AKT3: variants seen among roughly 807,000 people sequenced by gnomAD.
AKT3 encodes AKT serine/threonine kinase 3, also known as RAC-gamma serine/threonine-protein kinase.
In AKT3, 15 loss-of-function variants were observed where a neutral mutation model predicts 65.3. The observed-to-expected ratio is 0.23, with a 90% CI of 0.15 to 0.35. The LOEUF is 0.35. AKT3 is among the 10% of genes least tolerant of loss of function. The pLI is 1.00. For missense variants in AKT3, 243 were observed against 576.5 expected, an observed-to-expected ratio of 0.42 and a Z score of 5.92; for synonymous variants, 206 against 183.8, an observed-to-expected ratio of 1.12 and a Z score of -0.98.
At chr1:243,686,960 C>G (rs866987246) in intron 3 of AKT3, among the ~76,000 whole-genome samples, 1 of 151,740 alleles carries the variant, frequency 6.6e-6, no homozygotes, top group South Asian at 2.1e-4. Flanking sequence ...CCACACCACT[C>G]GGCTATATGA....
At chr1:243,488,274 T>G (rs2148262087) in exon 14 of AKT3, 1 of 152,654 alleles carries the variant, frequency 6.6e-6, no homozygotes, top group Middle Eastern at 3.4e-3. Flanking sequence ...TTAATGGCCT[T>G]TTCCTTGTGA....
At chr1:243,839,555 G>A (rs929246782) in intron 2 of AKT3, among the ~76,000 whole-genome samples, 1 of 152,102 alleles carries the variant, frequency 6.6e-6, no homozygotes, top group African/African-American at 2.4e-5. Context: ...ATTTTCAACT[G>A]TCCAGAAAAG....
At chr1:243,748,594 T>G (rs1688618166) in intron 2 of AKT3, among the ~76,000 whole-genome samples, 1 of 152,140 alleles carries the variant, frequency 6.6e-6, no homozygotes, top group South Asian at 2.1e-4. Flanking sequence ...AATGTAGAAT[T>G]TCAGAAAATG....
chr1:243,706,555 T>C (rs922587290), intron 2 of AKT3, among the ~76,000 whole-genome samples: 2 of 152,168 alleles, frequency 1.3e-5, no homozygotes, highest in African/African-American at 4.8e-5. Context: ...AGTCTAGTAG[T>C]ATGGACCCTA....
In AKT3 at chr1:243,652,650, A is replaced by G. The variant is rs371010671; in HGVS notation, c.285-6613T>C. 9.2e-5 allele frequency among the ~76,000 whole-genome samples: 14 copies of G among 152,072 alleles called. No individual in the cohort carries two copies. In the East Asian group the frequency reaches 2.7e-3, roughly 29 times the overall value. On this transcript the variant is annotated intron_variant, in intron 4 of 13. Coordinates refer to ENST00000673466, the MANE Select transcript of AKT3 (RefSeq NM_005465.7). ...CCCCAATGACAAGACACAGACTGGCAAATTGGATAAAGAGTCAAGATCCAT... is the reference window on the plus strand; with the variant it reads ...CCCCAATGACAAGACACAGACTGGCGAATTGGATAAAGAGTCAAGATCCAT...
chr1:243,738,016 A>G (rs1053317827), intron 2 of AKT3, among the ~76,000 whole-genome samples: 3 of 152,206 alleles, frequency 2.0e-5, no homozygotes, highest in Admixed American at 6.5e-5. Flanking sequence ...TCCCTGGCCC[A>G]GAGAAGTTAA....
intron 4 of AKT3, among the ~76,000 whole-genome samples, chr1:243,661,826 C>A (rs1245118503): frequency 6.7e-6 from 1 of 149,496 alleles, no homozygotes; most frequent in Non-Finnish European, 1.5e-5. Flanking sequence ...AGCTAATATC[C>A]AGAATCTACA....
intron 2 of AKT3, among the ~76,000 whole-genome samples, chr1:243,784,695 T>A (rs1219626862): frequency 7.2e-5 from 11 of 152,186 alleles, no homozygotes. Context: ...GACACTGCTC[T>A]CTGGGCACCA....
chr1:243,749,003 G>A (rs1688642753), intron 2 of AKT3, among the ~76,000 whole-genome samples: 1 of 152,030 alleles, frequency 6.6e-6, no homozygotes, highest in Non-Finnish European at 1.5e-5. Context: ...AATATTTTAA[G>A]CTAATATTAT....
chr1:243,581,263 G>A (rs1257528416), intron 8 of AKT3, among the ~76,000 whole-genome samples: 1 of 152,204 alleles, frequency 6.6e-6, no homozygotes, highest in Non-Finnish European at 1.5e-5. Flanking sequence ...TGACCCTGGG[G>A]CTGGGCAGTG....
chr1:243,544,697 T>G (rs6701350), intron 12 of AKT3, among the ~76,000 whole-genome samples: 1 of 63,874 alleles, frequency 1.6e-5, no homozygotes, highest in South Asian at 1.4e-3. Context: ...AGTGGTTTTT[T>G]GTTTTTTGTT....
At chr1:243,678,254 A>T (rs191242252) in intron 3 of AKT3, among the ~76,000 whole-genome samples, 1 of 152,128 alleles carries the variant, frequency 6.6e-6, no homozygotes, top group Non-Finnish European at 1.5e-5. Context: ...CTGGCTTTGA[A>T]AGATGGTTCC....
intron 8 of AKT3, among the ~76,000 whole-genome samples, chr1:243,583,181 T>C (rs1484199280): frequency 2.2e-4 from 26 of 116,094 alleles, no homozygotes; most frequent in Non-Finnish European, 4.6e-4. Flanking sequence ...TATATATATA[T>C]ATATATATAT....
intron 6 of AKT3, 42 bp downstream of exon 6, chr1:243,637,569 T>C (rs775401661): frequency 6.5e-7 from 1 of 1,548,220 alleles, no homozygotes; most frequent in South Asian, 1.2e-5. Flanking sequence ...ACATGCACAC[T>C]GCAAACAAAA....
intron 2 of AKT3, among the ~76,000 whole-genome samples, chr1:243,803,954 G>C (rs555553815): frequency 6.6e-6 from 1 of 152,164 alleles, no homozygotes; most frequent in Admixed American, 6.5e-5. Context: ...CCGTGATGAC[G>C]TTGCCCTGAG....
chr1:243,690,840 A>T (rs535899215), intron 3 of AKT3, among the ~76,000 whole-genome samples: 1 of 152,280 alleles, frequency 6.6e-6, no homozygotes, highest in African/African-American at 2.4e-5. Context: ...AGATCACTGA[A>T]TTTCTAAAGG....
chr1:243,701,034 T>C (rs1001254310), intron 2 of AKT3, among the ~76,000 whole-genome samples: 1 of 152,230 alleles, frequency 6.6e-6, no homozygotes, highest in African/African-American at 2.4e-5. Context: ...TTAGTCCATA[T>C]ATAAACATTT....
chr1:243,749,605 A>T (rs976110004), intron 2 of AKT3, among the ~76,000 whole-genome samples: 1 of 152,154 alleles, frequency 6.6e-6, no homozygotes, highest in Non-Finnish European at 1.5e-5. Flanking sequence ...CTAAGATTTG[A>T]TTATGTCAAA....
chr1:243,523,276 C>T, intron 12 of AKT3, among the ~76,000 whole-genome samples: 1 of 150,326 alleles, frequency 6.7e-6, no homozygotes, highest in South Asian at 2.1e-4. Context: ...CACACACACA[C>T]ACACACACAC....
Sources: allele counts gnomAD v4.1 joint callset (sites outside exome capture counted in the v4.1 genomes callset), GRCh38; gene constraint gnomAD v4.1.1; transcripts MANE v1.5; gene names NCBI Gene and HGNC (gene_info 2026-07-23, HGNC 2026-07-21).